PLD5: variants seen among roughly 807,000 people sequenced by gnomAD.
PLD5 encodes the protein phospholipase D family member 5, also known as inactive phospholipase D5.
Under a neutral mutation model 61.1 loss-of-function variants are expected in PLD5, and 36 were observed. The ratio of observed to expected loss-of-function variants is 0.59; its 90% CI spans 0.45 to 0.78. The LOEUF (loss-of-function observed/expected upper bound fraction) is 0.78. Among genes scored for constraint, PLD5 ranks in the 30% least tolerant of loss-of-function variants. The pLI is 0.00. For synonymous variants in PLD5, 243 were observed against 242.8 expected, an observed-to-expected ratio of 1.00 and a Z score of -0.01; for missense variants, 515 against 644.4, an observed-to-expected ratio of 0.80 and a Z score of 2.17.
At chr1:242,234,146 T>C (rs1407498397) in intron 4 of PLD5, among the ~76,000 whole-genome samples, 1 of 152,216 alleles carries the variant, frequency 6.6e-6, no homozygotes, top group African/African-American at 2.4e-5. Context: ...AAAATTACAA[T>C]GTGTCTTCCA....
intron 1 of PLD5, among the ~76,000 whole-genome samples, chr1:242,467,627 TCTTC>T (rs1168940593): frequency 6.6e-6 from 1 of 152,190 alleles, no homozygotes; most frequent in East Asian, 1.9e-4. Context: ...AATATGATCT[TCTTC>T]ATTAACTTGA....
chr1:242,226,374 C>T (rs1003153634), intron 4 of PLD5, among the ~76,000 whole-genome samples: 1 of 152,182 alleles, frequency 6.6e-6, no homozygotes, highest in African/African-American at 2.4e-5. Context: ...GCAGATCCTC[C>T]TACTTTCGGC....
intron 1 of PLD5, among the ~76,000 whole-genome samples, chr1:242,435,056 T>G (rs1335001710): frequency 6.6e-6 from 1 of 151,940 alleles, no homozygotes; most frequent in African/African-American, 2.4e-5. Context: ...TGTTTTTTTT[T>G]TAAACAGCTG....
At chr1:242,472,052 T>G (rs1303787134) in intron 1 of PLD5, among the ~76,000 whole-genome samples, 1 of 152,192 alleles carries the variant, frequency 6.6e-6, no homozygotes, top group African/African-American at 2.4e-5. Context: ...GTATTTCACT[T>G]GGTGTTGCAA....
intron 1 of PLD5, among the ~76,000 whole-genome samples, chr1:242,357,979 C>T (rs1660851798): frequency 6.6e-6 from 1 of 151,856 alleles, no homozygotes; most frequent in Non-Finnish European, 1.5e-5. Flanking sequence ...GTACTGTCTT[C>T]GAGTTCATTC....
At chr1:242,227,555 G>C (rs1671029585) in intron 4 of PLD5, among the ~76,000 whole-genome samples, 1 of 152,128 alleles carries the variant, frequency 6.6e-6, no homozygotes, top group South Asian at 2.1e-4. Flanking sequence ...GTAGAGATGG[G>C]GTTTCACTGT....
At chr1:242,511,006 T>C (rs1464567146) in intron 1 of PLD5, among the ~76,000 whole-genome samples, 2 of 152,184 alleles carry the variant, frequency 1.3e-5, no homozygotes, top group Non-Finnish European at 2.9e-5. Flanking sequence ...AATATACTTA[T>C]GAGAAAATAT....
chr1:242,094,969 C>T (rs1257393402), intron 9 of PLD5, among the ~76,000 whole-genome samples: 5 of 149,828 alleles, frequency 3.3e-5, no homozygotes, highest in South Asian at 2.2e-4. Context: ...AACAGAGTCT[C>T]GCTCTGTTGC....
intron 4 of PLD5, among the ~76,000 whole-genome samples, chr1:242,231,585 A>C (rs762751495): frequency 1.3e-5 from 2 of 152,238 alleles, no homozygotes; most frequent in Non-Finnish European, 2.9e-5. Flanking sequence ...GAGGCTCACC[A>C]ACTAGAGAAA....
rs1156479477 is a variant in PLD5, at chr1:242,266,252, G to A, written c.496-804C>T. Among the ~76,000 whole-genome samples the A allele has an allele frequency of 3.3e-5, 5 of 152,158 alleles. No individual in the cohort carries two copies. The South Asian group carries it at 6.2e-4, about 19-fold the overall frequency. ...AAAAATTAGCTGGGCATGGTGGTGC[G>A]CACTTTTATTCCCAGCTACTCAGGA... On this transcript the variant is annotated intron_variant, in intron 3 of 9. Transcript: ENST00000536534.
At chr1:242,407,928 T>A (rs1203278718) in intron 1 of PLD5, among the ~76,000 whole-genome samples, 1 of 152,236 alleles carries the variant, frequency 6.6e-6, no homozygotes, top group Non-Finnish European at 1.5e-5. Context: ...ATATTTTTGC[T>A]GCTTGCTTTC....
chr1:242,484,843 C>G (rs144108408), intron 1 of PLD5, among the ~76,000 whole-genome samples: 1 of 152,010 alleles, frequency 6.6e-6, no homozygotes, highest in African/African-American at 2.4e-5. Flanking sequence ...CAACAGCACA[C>G]CAAAAAGCTT....
At chr1:242,408,762 G>A (rs1160822704) in intron 1 of PLD5, among the ~76,000 whole-genome samples, 1 of 152,018 alleles carries the variant, frequency 6.6e-6, no homozygotes, top group East Asian at 1.9e-4. Flanking sequence ...TAACACACCA[G>A]TGCTTTGAAA....
chr1:242,258,942 C>G (rs1382189596), intron 4 of PLD5, among the ~76,000 whole-genome samples: 3 of 152,204 alleles, frequency 2.0e-5, no homozygotes, highest in African/African-American at 7.2e-5. Context: ...TTGGTTTTCT[C>G]TACCAAACTC....
chr1:242,241,907 A>ACACTTAC (rs1442174652), intron 4 of PLD5, among the ~76,000 whole-genome samples: 6 of 44,520 alleles, frequency 1.3e-4, no homozygotes, highest in African/African-American at 5.7e-4. Flanking sequence ...ATATATATAT[A>ACACTTAC]TATACTTACT....
chr1:242,512,345 G>C (rs1255344451), intron 1 of PLD5, among the ~76,000 whole-genome samples: 2 of 150,692 alleles, frequency 1.3e-5, no homozygotes, highest in African/African-American at 4.9e-5. Flanking sequence ...GCATGAACCT[G>C]AGAGGCAGAG....
chr1:242,491,305 T>C (rs1387600907), intron 1 of PLD5, among the ~76,000 whole-genome samples: 2 of 152,204 alleles, frequency 1.3e-5, no homozygotes, highest in African/African-American at 4.8e-5. Context: ...TTGAAAAAAC[T>C]TCCTCTTTTC....
At chr1:242,345,782 T>A (rs529588604) in intron 2 of PLD5, 46 of 558,822 alleles carry the variant, frequency 8.2e-5, no homozygotes, top group African/African-American at 8.0e-4. Context: ...GAAACTGGAT[T>A]AGGGTATAAG....
At chr1:242,217,252 C>T (rs1670274721) in intron 5 of PLD5, among the ~76,000 whole-genome samples, 1 of 152,220 alleles carries the variant, frequency 6.6e-6, no homozygotes, top group Non-Finnish European at 1.5e-5. Flanking sequence ...CTACCATAGA[C>T]AGTTATTCCT....
Sources: allele counts gnomAD v4.1 joint callset (sites outside exome capture counted in the v4.1 genomes callset), GRCh38; gene constraint gnomAD v4.1.1; transcripts MANE v1.5; gene names NCBI Gene and HGNC (gene_info 2026-07-23, HGNC 2026-07-21).